NLK: variants seen among roughly 807,000 people sequenced by gnomAD.
NLK encodes nemo like kinase.
Under a neutral mutation model 59.0 loss-of-function variants are expected in NLK, and 11 were observed. The ratio of observed to expected loss-of-function variants is 0.19; its 90% CI spans 0.12 to 0.31. The LOEUF is 0.31. Among genes scored for constraint, NLK ranks in the 10% least tolerant of loss-of-function variants. The probability of loss-of-function intolerance (pLI) is 1.00; values close to 1 mark genes in which losing one functional copy is unlikely to be tolerated. For synonymous variants in NLK, 235 were observed against 235.9 expected, an observed-to-expected ratio of 1.00 and a Z score of 0.03; for missense variants, 410 against 661.1, an observed-to-expected ratio of 0.62 and a Z score of 4.16.
chr17:28,147,527 G>C (rs1235466401), intron 3 of NLK, among the ~76,000 whole-genome samples: 1 of 152,182 alleles, frequency 6.6e-6, no homozygotes, highest in Non-Finnish European at 1.5e-5. Flanking sequence ...TGGAGCAAGA[G>C]GTCAGGAGAG....
chr17:28,176,033 G>A (rs959257324), intron 7 of NLK, among the ~76,000 whole-genome samples: 5 of 152,052 alleles, frequency 3.3e-5, no homozygotes, highest in Non-Finnish European at 7.4e-5. Context: ...AGAAAAATTT[G>A]GGGTGAATTT....
intron 1 of NLK, among the ~76,000 whole-genome samples, chr17:28,058,852 G>A (rs954155786): frequency 6.6e-6 from 1 of 152,156 alleles, no homozygotes; most frequent in Non-Finnish European, 1.5e-5. Flanking sequence ...GCAGCCAGGC[G>A]CCATGGCTTA....
At chr17:28,204,258 C>T in the NLK span, among the ~76,000 whole-genome samples, 5 of 152,286 alleles carry the variant, frequency 3.3e-5, no homozygotes, top group South Asian at 2.1e-4. Context: ...TGGTCTGAGC[C>T]GCTAGTTCTG....
At chr17:28,161,018 C>A in intron 3 of NLK, 142 bp from the exon 4 acceptor site, 1 of 515,298 alleles carries the variant, frequency 1.9e-6, no homozygotes, top group Non-Finnish European at 3.5e-6. Flanking sequence ...GGCTGGAATT[C>A]TCACCTCTGT....
chr17:28,088,732 T>C (rs528799562), intron 1 of NLK, among the ~76,000 whole-genome samples: 4 of 152,208 alleles, frequency 2.6e-5, no homozygotes, highest in Non-Finnish European at 5.9e-5. Flanking sequence ...TTTGACAACA[T>C]GTTCCAGGCT....
chr17:28,056,215 G>A (rs1235857658), intron 1 of NLK, among the ~76,000 whole-genome samples: 1 of 152,230 alleles, frequency 6.6e-6, no homozygotes, highest in Non-Finnish European at 1.5e-5. Flanking sequence ...ATTGCAGAAT[G>A]AGATTTCAGT....
the NLK span, among the ~76,000 whole-genome samples, chr17:28,203,025 T>C: frequency 6.6e-6 from 1 of 152,112 alleles, no homozygotes; most frequent in African/African-American, 2.4e-5. Context: ...CTTCCTATGA[T>C]TGTGTCCGTG....
intron 1 of NLK, among the ~76,000 whole-genome samples, chr17:28,060,507 G>C (rs1210294802): frequency 1.3e-5 from 2 of 152,066 alleles, no homozygotes; most frequent in African/African-American, 4.8e-5. Flanking sequence ...CCTGAGCTCA[G>C]ATGATCCTCC....
intron 4 of NLK, among the ~76,000 whole-genome samples, chr17:28,163,132 T>C (rs368145059): frequency 6.6e-6 from 1 of 152,186 alleles, no homozygotes; most frequent in African/African-American, 2.4e-5. Context: ...GTGAAACATC[T>C]GTCCTGGGAA....
At chr17:28,159,131 G>A (rs1310476933) in intron 3 of NLK, among the ~76,000 whole-genome samples, 1 of 152,174 alleles carries the variant, frequency 6.6e-6, no homozygotes, top group Non-Finnish European at 1.5e-5. Flanking sequence ...GAATAGCTAA[G>A]GCCTAAGGTT....
intron 3 of NLK, among the ~76,000 whole-genome samples, chr17:28,156,008 A>G (rs1436421458): frequency 6.6e-6 from 1 of 152,164 alleles, no homozygotes; most frequent in African/African-American, 2.4e-5. Flanking sequence ...AATGTTCTAA[A>G]TTCACCCAAA....
intron 2 of NLK, among the ~76,000 whole-genome samples, chr17:28,128,736 A>T (rs1906391717): frequency 6.6e-6 from 1 of 152,250 alleles, no homozygotes. Context: ...ACTACTTCAG[A>T]AAACTGGCAA....
intron 3 of NLK, among the ~76,000 whole-genome samples, chr17:28,154,400 T>C (rs1167692282): frequency 6.6e-6 from 1 of 152,156 alleles, no homozygotes. Context: ...AGAAGAAAGA[T>C]TGGAGGACTC....
chr17:28,159,534 A>G (rs1907919825), intron 3 of NLK, among the ~76,000 whole-genome samples: 1 of 152,134 alleles, frequency 6.6e-6, no homozygotes, highest in Admixed American at 6.6e-5. Flanking sequence ...TCATTATTTA[A>G]CTCTTCATCA....
chr17:28,199,807 CA>C (rs1226514151), downstream of NLK, among the ~76,000 whole-genome samples: 2 of 150,826 alleles, frequency 1.3e-5, no homozygotes, highest in Admixed American at 6.6e-5. Context: ...TGGAGATTAT[CA>C]AAACAATAAA....
intron 1 of NLK, among the ~76,000 whole-genome samples, chr17:28,098,830 G>A (rs1904800231): frequency 1.3e-5 from 2 of 151,300 alleles, no homozygotes; most frequent in Admixed American, 6.6e-5. Context: ...TTACAGACAT[G>A]CGCCACGACG....
At chr17:28,063,328 CTG>C (rs1909728358) in intron 1 of NLK, among the ~76,000 whole-genome samples, 1 of 152,168 alleles carries the variant, frequency 6.6e-6, no homozygotes, top group Non-Finnish European at 1.5e-5. Context: ...CAAATAAACA[CTG>C]TTGAGTACTC....
intron 2 of NLK, 147 bp from the exon 3 acceptor site, chr17:28,132,473 G>A: frequency 1.6e-6 from 1 of 641,004 alleles, no homozygotes; most frequent in Non-Finnish European, 2.8e-6. Flanking sequence ...TTAGTACTGT[G>A]TTTCTTGACA....
rs1407769252 is a variant in NLK at position 28,042,930 on chromosome 17, T to C, written c.57T>C (p.Gly19=). 3 of 1,548,604 alleles carry C rather than the reference T, an allele frequency of 1.9e-6. No homozygotes were observed. The highest frequency in any genetic ancestry group is 2.6e-6 in the Non-Finnish European group (3 of 1,145,356). ...AAATGATGGCGGCTTACAATGGCGG[T>C]ACATCTGCAGCAGCAGCAGGTCACC... is the stretch of plus-strand genomic sequence containing the variant. ...NAKMMAAYNG[G]TSAAAAGHHH... is the part of the protein sequence containing the mutation. The change falls in exon 1 of 11, where the codon GGT becomes GGC. Residue 19 remains glycine, a synonymous_variant. Transcript: ENST00000407008.
Sources: gnomAD v4.1 joint callset for allele counts (sites outside exome capture counted in the v4.1 genomes callset) on GRCh38, gnomAD v4.1.1 for gene constraint, MANE v1.5 for transcripts, NCBI Gene and HGNC (gene_info 2026-07-23, HGNC 2026-07-21) for gene names.